The following ARB2A variants were observed in gnomAD, a reference collection of about 807,000 sequenced individuals.
The protein encoded by ARB2A is cotranscriptional regulator ARB2A.
At chr5:93,633,006 A>G in the ARB2A span, among the ~76,000 whole-genome samples, 3 of 152,110 alleles carry the variant, frequency 2.0e-5, no homozygotes, top group Non-Finnish European at 4.4e-5. Context: ...CATTTCTGCA[A>G]TCAGTCCAGA....
the ARB2A span, among the ~76,000 whole-genome samples, chr5:93,637,354 G>GTTTTTTTTTTTTTTTTTTTTTTTTTT: frequency 8.6e-6 from 1 of 116,110 alleles, no homozygotes; most frequent in Non-Finnish European, 1.7e-5. Flanking sequence ...GGGTTGTTTA[G>GTTTTTTTTTTTTTTTTTTTTTTTTTT]TTTTTTTTTT....
chr5:93,981,167 A>C, the ARB2A span, among the ~76,000 whole-genome samples: 1 of 151,768 alleles, frequency 6.6e-6, no homozygotes, highest in Non-Finnish European at 1.5e-5. Context: ...CTCTGGGCAC[A>C]AATGATCCTC....
the ARB2A span, among the ~76,000 whole-genome samples, chr5:93,887,849 G>A: frequency 6.6e-6 from 1 of 151,860 alleles, no homozygotes; most frequent in Admixed American, 6.6e-5. Flanking sequence ...AATGTTTGCA[G>A]CTTTATCAAC....
the ARB2A span, among the ~76,000 whole-genome samples, chr5:94,097,867 T>TAC: frequency 3.9e-3 from 485 of 122,930 alleles, 2 homozygotes; most frequent in Admixed American, 6.9e-3. Flanking sequence ...CCACCGCTGG[T>TAC]ACACACACAC....
the ARB2A span, among the ~76,000 whole-genome samples, chr5:94,095,443 G>A: frequency 5.3e-5 from 8 of 152,164 alleles, no homozygotes; most frequent in Non-Finnish European, 8.8e-5. Context: ...TCTGCCCACC[G>A]CTTATGCACA....
chr5:93,953,346 T>C, the ARB2A span, among the ~76,000 whole-genome samples: 2 of 152,188 alleles, frequency 1.3e-5, no homozygotes, highest in African/African-American at 4.8e-5. Flanking sequence ...TATATGTTTT[T>C]GGTCCCTGCA....
chr5:94,050,841 TAAAC>T, the ARB2A span: 1 of 1,561,688 alleles, frequency 6.4e-7, no homozygotes, highest in Non-Finnish European at 8.7e-7. Flanking sequence ...TCTAAGAAGA[TAAAC>T]AAACAATATT....
chr5:93,853,758 A>G, the ARB2A span, among the ~76,000 whole-genome samples: 1 of 152,236 alleles, frequency 6.6e-6, no homozygotes, highest in African/African-American at 2.4e-5. Context: ...GATGGATTAC[A>G]TAAATTGATT....
the ARB2A span, among the ~76,000 whole-genome samples, chr5:93,836,812 G>A: frequency 1.3e-5 from 2 of 152,028 alleles, no homozygotes; most frequent in South Asian, 2.1e-4. Context: ...AACCATATAA[G>A]TTACCAGTAT....
chr5:93,950,953 A>T, the ARB2A span, among the ~76,000 whole-genome samples: 1 of 147,822 alleles, frequency 6.8e-6, no homozygotes, highest in Non-Finnish European at 1.5e-5. Flanking sequence ...CAAAAAAAAA[A>T]AAAAATAAAA....
chr5:93,829,767 G>A, the ARB2A span, among the ~76,000 whole-genome samples: 1 of 152,046 alleles, frequency 6.6e-6, no homozygotes, highest in Non-Finnish European at 1.5e-5. Context: ...AACCTTATAG[G>A]GATTTTAGGC....
the ARB2A span, among the ~76,000 whole-genome samples, chr5:93,677,193 C>T: frequency 6.6e-6 from 1 of 152,052 alleles, no homozygotes; most frequent in Non-Finnish European, 1.5e-5. Context: ...AACTCAACTG[C>T]CAGCTCTAAA....
chr5:94,030,738 A>G, the ARB2A span, among the ~76,000 whole-genome samples: 1 of 152,364 alleles, frequency 6.6e-6, no homozygotes, highest in South Asian at 2.1e-4. Flanking sequence ...AGAGGAGATT[A>G]GGTCCTTAAG....
the ARB2A span, among the ~76,000 whole-genome samples, chr5:94,063,732 G>C: frequency 6.6e-6 from 1 of 152,044 alleles, no homozygotes. Flanking sequence ...CTAAGCCACT[G>C]ACACCACTAA....
the ARB2A span, among the ~76,000 whole-genome samples, chr5:93,716,488 G>A: frequency 6.6e-6 from 1 of 151,940 alleles, no homozygotes; most frequent in African/African-American, 2.4e-5. Context: ...AAGAGAAAAT[G>A]AGTTTTGCTA....
chr5:93,893,866 C>A, the ARB2A span, among the ~76,000 whole-genome samples: 1 of 152,140 alleles, frequency 6.6e-6, no homozygotes, highest in Admixed American at 6.5e-5. Context: ...CATTTTCAGT[C>A]AACTGTCCTC....
chr5:93,803,949 T>C, the ARB2A span, among the ~76,000 whole-genome samples: 2 of 151,848 alleles, frequency 1.3e-5, no homozygotes, highest in Admixed American at 6.6e-5. Flanking sequence ...CGGAGAGAAA[T>C]AGTGATTCAG....
At chr5:93,830,492 G>C in the ARB2A span, among the ~76,000 whole-genome samples, 5 of 151,696 alleles carry the variant, frequency 3.3e-5, no homozygotes, top group Non-Finnish European at 7.4e-5. Flanking sequence ...AGTAGTGTGT[G>C]AGGAGTATTA....
the ARB2A span, among the ~76,000 whole-genome samples, chr5:93,702,172 G>A: frequency 7.9e-5 from 12 of 152,236 alleles, no homozygotes; most frequent in East Asian, 1.5e-3. Context: ...AGTAAAGACC[G>A]TAACTTATAC....
Sources: gnomAD v4.1 joint callset for allele counts (sites outside exome capture counted in the v4.1 genomes callset) on GRCh38, gnomAD v4.1.1 for gene constraint, MANE v1.5 for transcripts, NCBI Gene and HGNC (gene_info 2026-07-23, HGNC 2026-07-21) for gene names.